HMGN3: variants seen among roughly 807,000 people sequenced by gnomAD.
HMGN3 encodes high mobility group nucleosomal binding domain 3.
Under a neutral mutation model 18.8 loss-of-function variants are expected in HMGN3, and 6 were observed. That is an observed-to-expected ratio of 0.32 (90% CI 0.18 to 0.63). The LOEUF (loss-of-function observed/expected upper bound fraction) is 0.63, where lower values mean the gene tolerates loss of function less well. Among genes scored for constraint, HMGN3 ranks in the 30% least tolerant of loss-of-function variants. The probability of loss-of-function intolerance (pLI) is 0.79; values close to 1 mark genes in which losing one functional copy is unlikely to be tolerated. For missense variants in HMGN3, 107 were observed against 114.2 expected, an observed-to-expected ratio of 0.94 and a Z score of 0.29; for synonymous variants, 40 against 36.5, an observed-to-expected ratio of 1.10 and a Z score of -0.35.
chr6:79,203,382 G>A (rs1014235318), intron 4 of HMGN3, among the ~76,000 whole-genome samples, 198 bp downstream of exon 4: 3 of 152,096 alleles, frequency 2.0e-5, no homozygotes, highest in Admixed American at 6.5e-5. Context: ...CTGACTTCCC[G>A]TGCCTCACTG....
chr6:79,202,019 T>C, intron 5 of HMGN3, 44 bp downstream of exon 6: 2 of 1,520,368 alleles, frequency 1.3e-6, no homozygotes, highest in Non-Finnish European at 1.8e-6. Flanking sequence ...ACTATCTGAT[T>C]CTAGTCACTG....
chr6:79,234,269 T>G, intron 1 of HMGN3: 1 of 351,186 alleles, frequency 2.8e-6, no homozygotes, highest in Non-Finnish European at 5.1e-6. Flanking sequence ...CTTCTTGTTG[T>G]TGGGGGTGGA....
chr6:79,205,048 T>C (rs1776347729), intron 3 of HMGN3, among the ~76,000 whole-genome samples: 1 of 152,224 alleles, frequency 6.6e-6, no homozygotes, highest in Non-Finnish European at 1.5e-5. Flanking sequence ...TGAGGTTTTG[T>C]AGTCTGTAAT....
chr6:79,218,974 G>C (rs1777134809), intron 1 of HMGN3, among the ~76,000 whole-genome samples: 1 of 152,062 alleles, frequency 6.6e-6, no homozygotes, highest in Non-Finnish European at 1.5e-5. Flanking sequence ...ACAAAAGAGA[G>C]GTTAGGTGAT....
At chr6:79,202,654 G>A (rs1776204008) in intron 4 of HMGN3, among the ~76,000 whole-genome samples, 1 of 152,134 alleles carries the variant, frequency 6.6e-6, no homozygotes, top group South Asian at 2.1e-4. Flanking sequence ...TTCCTCTCCT[G>A]GATTTGTTCA....
chr6:79,221,959 C>A (rs137892939), intron 1 of HMGN3, among the ~76,000 whole-genome samples: 1 of 144,562 alleles, frequency 6.9e-6, no homozygotes, highest in African/African-American at 2.5e-5. Context: ...CATTGGTACA[C>A]ATAGGCTCTT....
chr6:79,221,523 A>C (rs1777283871), intron 1 of HMGN3, among the ~76,000 whole-genome samples: 1 of 152,242 alleles, frequency 6.6e-6, no homozygotes, highest in South Asian at 2.1e-4. Flanking sequence ...TAGGCCATCC[A>C]TGAAGAATCA....
intron 1 of HMGN3, among the ~76,000 whole-genome samples, chr6:79,219,311 T>C (rs1157410258): frequency 6.6e-6 from 1 of 151,644 alleles, no homozygotes; most frequent in Non-Finnish European, 1.5e-5. Context: ...ATTCAAGGAG[T>C]TGAGGAAAAC....
At chr6:79,229,243 T>C (rs1346308855) in intron 1 of HMGN3, among the ~76,000 whole-genome samples, 6 of 152,118 alleles carry the variant, frequency 3.9e-5, no homozygotes, top group African/African-American at 1.4e-4. Context: ...AAAGACACCA[T>C]TAAGAAAAAA....
intron 1 of HMGN3, among the ~76,000 whole-genome samples, chr6:79,231,226 C>G (rs1280161785): frequency 6.6e-6 from 1 of 152,188 alleles, no homozygotes; most frequent in Non-Finnish European, 1.5e-5. Context: ...AGGACTGTGA[C>G]TCTAGGCCTC....
chr6:79,216,574 T>C (rs186613795), intron 1 of HMGN3, among the ~76,000 whole-genome samples: 4 of 152,348 alleles, frequency 2.6e-5, no homozygotes, highest in Non-Finnish European at 4.4e-5. Context: ...TCCCATGTCA[T>C]GGATTTCTCT....
intron 1 of HMGN3, among the ~76,000 whole-genome samples, chr6:79,217,328 C>G (rs967386717): frequency 2.0e-5 from 3 of 152,152 alleles, no homozygotes; most frequent in African/African-American, 7.2e-5. Context: ...CTCAAGACAC[C>G]TGGTTTGAAT....
chr6:79,210,166 T>C (rs1343195952), intron 2 of HMGN3, among the ~76,000 whole-genome samples: 2 of 152,194 alleles, frequency 1.3e-5, no homozygotes, highest in African/African-American at 4.8e-5. Flanking sequence ...TTTCCCAGCA[T>C]GGTTAACCGT....
chr6:79,214,870 G>C (rs1776893328), intron 2 of HMGN3, 102 bp downstream of exon 2: 1 of 712,550 alleles, frequency 1.4e-6, no homozygotes, highest in Non-Finnish European at 2.4e-6. Context: ...ATTAAACTTT[G>C]TTCATACAAT....
At position 79,203,575 on chromosome 6, in the gene HMGN3, C is replaced by T. The variant is rs771752392; in HGVS notation, c.147+5G>A. On this transcript the variant is annotated splice_donor_5th_base_variant and intron_variant, in intron 4 of 5. Transcript: ENST00000344726. The stretch of plus-strand genomic sequence containing the variant: ...AAGCCAAAAGTGGGAAACAGCACTT[C>T]TTACCTTAGCAGATGTTTTTCTTGG... 14 of 1,612,122 alleles carry T rather than the reference C, an allele frequency of 8.7e-6. No homozygotes were observed. The South Asian group carries it at 1.4e-4, about 16-fold the overall frequency.
chr6:79,216,534 G>A (rs1776991142), intron 1 of HMGN3, among the ~76,000 whole-genome samples: 1 of 152,168 alleles, frequency 6.6e-6, no homozygotes, highest in African/African-American at 2.4e-5. Flanking sequence ...CCGTTACCCA[G>A]AGCCTATCAT....
chr6:79,232,686 T>TA (rs1777904208), intron 1 of HMGN3, among the ~76,000 whole-genome samples: 2 of 152,098 alleles, frequency 1.3e-5, no homozygotes, highest in African/African-American at 4.8e-5. Flanking sequence ...GGCCCTTGAA[T>TA]AAACAGCAAG....
rs1777669828 is a variant in HMGN3, at chr6:79,228,500, G to C, written c.15+6046C>G. Among the ~76,000 whole-genome samples the C allele has an allele frequency of 3.9e-5, 6 of 152,162 alleles. No individual in the cohort carries two copies. The South Asian group carries it at 1.2e-3, about 32-fold the overall frequency. On this transcript the variant is annotated intron_variant, in intron 1 of 5. Coordinates refer to ENST00000344726, the Ensembl canonical transcript of HMGN3. ...AGACTGGGAAACTCAATATTGCTAA[G>C]AAAGCAATTCTTTCCTAACTGATTT... is the stretch of plus-strand genomic sequence containing the variant.
intron 2 of HMGN3, among the ~76,000 whole-genome samples, chr6:79,211,011 C>CAAAAA (rs59749044): frequency 5.6e-5 from 5 of 89,714 alleles, no homozygotes; most frequent in African/African-American, 1.3e-4. Context: ...GAAATTAATG[C>CAAAAA]AAAAAAAAAA....
Sources: allele counts gnomAD v4.1 joint callset (sites outside exome capture counted in the v4.1 genomes callset), GRCh38; gene constraint gnomAD v4.1.1; transcripts MANE v1.5; gene names NCBI Gene and HGNC (gene_info 2026-07-23, HGNC 2026-07-21).